Variants in TNFRSF21 observed in about 807,000 individuals in gnomAD.
TNFRSF21 encodes the protein TNF receptor superfamily member 21.
Under a neutral mutation model 45.6 loss-of-function variants are expected in TNFRSF21, and 19 were observed. The ratio of observed to expected loss-of-function variants is 0.42; its 90% CI spans 0.29 to 0.61. TNFRSF21 has a LOEUF of 0.61. TNFRSF21 is among the 20% of genes least tolerant of loss of function. The pLI, the probability that TNFRSF21 is intolerant of heterozygous loss-of-function variation, is 0.23. For missense variants in TNFRSF21, 737 were observed against 851.5 expected (o/e 0.87, Z 1.67); for synonymous variants, 314 against 335.5 (o/e 0.94, Z 0.70).
At chr6:47,279,249 G>GA (rs1344420226) in intron 3 of TNFRSF21, among the ~76,000 whole-genome samples, 1 of 152,168 alleles carries the variant, frequency 6.6e-6, no homozygotes, top group African/African-American at 2.4e-5. Flanking sequence ...GGGAGAGAAG[G>GA]ATAATAGGAA....
intron 4 of TNFRSF21, among the ~76,000 whole-genome samples, chr6:47,250,776 C>A (rs1399281341): frequency 6.6e-6 from 1 of 152,182 alleles, no homozygotes; most frequent in Admixed American, 6.5e-5. Flanking sequence ...TTAGATGGGA[C>A]AAATTTCAGA....
rs1041576447 is a variant in TNFRSF21, at chr6:47,254,885, G to GA, written c.1244-1365dup. Among the ~76,000 whole-genome samples the GA allele has an allele frequency of 2.6e-5, 4 of 151,894 alleles. No homozygotes were observed. In the East Asian group the frequency reaches 7.7e-4, roughly 29 times the overall value. On this transcript the variant is annotated intron_variant, in intron 3 of 5. Transcript: ENST00000296861. ...ATTAATATTCCAATTACACAGGTAA[G>GA]AAAAAAAATACACTTAGAAAAGTTA...
chr6:47,250,290 C>A (rs1265994394), intron 4 of TNFRSF21, among the ~76,000 whole-genome samples: 1 of 152,166 alleles, frequency 6.6e-6, no homozygotes, highest in Non-Finnish European at 1.5e-5. Context: ...TAACTTACAA[C>A]TATTATCCCA....
intron 4 of TNFRSF21, among the ~76,000 whole-genome samples, chr6:47,244,395 T>C (rs1178130886): frequency 6.6e-6 from 1 of 151,988 alleles, no homozygotes; most frequent in Non-Finnish European, 1.5e-5. Context: ...GACTGCACAT[T>C]TTTTTTCTTA....
intron 4 of TNFRSF21, among the ~76,000 whole-genome samples, chr6:47,242,991 T>C (rs557625616): frequency 2.0e-5 from 3 of 152,196 alleles, no homozygotes; most frequent in Non-Finnish European, 4.4e-5. Context: ...CATAAGACAC[T>C]GTGGAGGATG....
chr6:47,308,004 A>G (rs1313895643), intron 1 of TNFRSF21, among the ~76,000 whole-genome samples: 1 of 152,216 alleles, frequency 6.6e-6, no homozygotes, highest in African/African-American at 2.4e-5. Flanking sequence ...CTGTCAATCC[A>G]GGTTCATTGT....
rs1263832843 is a variant in TNFRSF21, at chr6:47,263,123, G to A, written c.1244-9602C>T. The stretch of plus-strand genomic sequence containing the variant: ...CTCCATGTATTTTGAAGGTAGAGCT[G>A]ACAGACAGGATTTACTAATGAGCCA... On this transcript the variant is annotated intron_variant, in intron 3 of 5. Transcript: ENST00000296861. Among the ~76,000 whole-genome samples, 3 of 152,104 alleles carry A rather than the reference G, an allele frequency of 2.0e-5. No individual in the cohort carries two copies. In the East Asian group the frequency reaches 5.8e-4, roughly 29 times the overall value.
intron 3 of TNFRSF21, among the ~76,000 whole-genome samples, chr6:47,271,033 A>G (rs1363062332): frequency 6.6e-6 from 1 of 152,248 alleles, no homozygotes; most frequent in Non-Finnish European, 1.5e-5. Context: ...GACCAAATCT[A>G]CATTTGATTA....
At chr6:47,263,678 G>A (rs1010729067) in intron 3 of TNFRSF21, among the ~76,000 whole-genome samples, 7 of 152,230 alleles carry the variant, frequency 4.6e-5, no homozygotes, top group African/African-American at 1.7e-4. Flanking sequence ...GAACTGAACA[G>A]TGGCATTAGA....
At chr6:47,287,347 T>G (rs1323472922) in intron 1 of TNFRSF21, among the ~76,000 whole-genome samples, 6 of 145,678 alleles carry the variant, frequency 4.1e-5, no homozygotes, top group Middle Eastern at 3.6e-3. Flanking sequence ...AAAGAAAAAT[T>G]GTATACTAGT....
intron 1 of TNFRSF21, among the ~76,000 whole-genome samples, chr6:47,296,150 G>A (rs1384687059): frequency 2.0e-5 from 3 of 152,138 alleles, no homozygotes; most frequent in Non-Finnish European, 4.4e-5. Context: ...AAGTGAATTG[G>A]CATTCCATGA....
chr6:47,251,141 C>A (rs1030839013), intron 4 of TNFRSF21, among the ~76,000 whole-genome samples: 1 of 152,074 alleles, frequency 6.6e-6, no homozygotes. Flanking sequence ...GGATACTCAA[C>A]CTGTAATAAG....
intron 4 of TNFRSF21, among the ~76,000 whole-genome samples, chr6:47,253,044 T>A (rs1459340921): frequency 6.6e-6 from 1 of 151,970 alleles, no homozygotes; most frequent in Non-Finnish European, 1.5e-5. Context: ...TATTTTTTTT[T>A]AAAGTTTTCT....
chr6:47,306,400 A>G (rs1176299318), intron 1 of TNFRSF21, among the ~76,000 whole-genome samples: 5 of 152,330 alleles, frequency 3.3e-5, no homozygotes, highest in East Asian at 3.9e-4. Flanking sequence ...AAGGGAGGAC[A>G]TGAGCTGAAG....
Position 47,232,954 on chromosome 6 carries a change from G to C in TNFRSF21, c.1779C>G (p.Pro593=). 6.2e-7 allele frequency: 1 copy of C among 1,614,184 alleles called. No homozygotes were observed. The change falls in exon 6 of 6, where the codon CCC becomes CCG. Residue 593 remains proline (P), a synonymous_variant. Transcript: ENST00000296861. ...DTVLRQVRLD[P]CDLQPIFDDM... ...CATCAAAGATAGGCTGCAAGTCACAGGGGTCCAGGCGTACCTGCCGCAACA... is the reference window on the plus strand; with the variant it reads ...CATCAAAGATAGGCTGCAAGTCACACGGGTCCAGGCGTACCTGCCGCAACA...
At chr6:47,286,800 A>G (rs1003127795) in intron 1 of TNFRSF21, among the ~76,000 whole-genome samples, 4 of 152,140 alleles carry the variant, frequency 2.6e-5, no homozygotes, top group Admixed American at 6.5e-5. Flanking sequence ...AGCTTGATCT[A>G]CTGGCTGTGA....
intron 3 of TNFRSF21, among the ~76,000 whole-genome samples, chr6:47,275,741 G>A (rs1472841134): frequency 6.6e-6 from 1 of 152,074 alleles, no homozygotes; most frequent in African/African-American, 2.4e-5. Flanking sequence ...CCAACCCTGT[G>A]ACCTAATTTA....
intron 3 of TNFRSF21, among the ~76,000 whole-genome samples, chr6:47,262,854 TC>T (rs1407996898): frequency 1.3e-5 from 2 of 152,086 alleles, no homozygotes; most frequent in African/African-American, 4.8e-5. Context: ...GCAGATCACA[TC>T]CGGCCTTTAA....
chr6:47,276,745 C>T (rs1762503866), intron 3 of TNFRSF21, among the ~76,000 whole-genome samples: 1 of 152,188 alleles, frequency 6.6e-6, no homozygotes, highest in South Asian at 2.1e-4. Flanking sequence ...CTTGCTGACC[C>T]ATGGTATAGA....
Sources: gnomAD v4.1 joint callset for allele counts (sites outside exome capture counted in the v4.1 genomes callset) on GRCh38, gnomAD v4.1.1 for gene constraint, MANE v1.5 for transcripts, NCBI Gene and HGNC (gene_info 2026-07-23, HGNC 2026-07-21) for gene names.